STK4: variants seen among roughly 807,000 people sequenced by gnomAD.
The protein encoded by STK4 is serine/threonine-protein kinase 4.
In STK4, 30 loss-of-function variants were observed where a neutral mutation model predicts 64.9. The observed-to-expected ratio is 0.46, with a 90% CI of 0.35 to 0.63. The LOEUF (loss-of-function observed/expected upper bound fraction) is 0.63, where lower values mean the gene tolerates loss of function less well. Ranked by LOEUF, STK4 falls within the 20% of genes least tolerant of loss-of-function variation. The pLI is 0.01. For missense variants in STK4, 466 were observed against 598.5 expected (o/e 0.78, Z 2.31); for synonymous variants, 177 against 199.0 (o/e 0.89, Z 0.93).
intron 2 of STK4, 69 bp downstream of exon 2, chr20:44,972,227 G>T (rs2067260636): frequency 3.6e-6 from 5 of 1,378,584 alleles, no homozygotes; most frequent in Non-Finnish European, 5.1e-6. Flanking sequence ...AGAAGCAGAA[G>T]GATATGAACC....
intron 9 of STK4, chr20:45,007,840 A>T (rs1264763150): frequency 2.4e-6 from 1 of 411,484 alleles, no homozygotes; most frequent in Non-Finnish European, 4.8e-6. Flanking sequence ...ATACCCAGGT[A>T]ATGAGCATAG....
At chr20:44,968,766 G>A (rs1451510239) in intron 1 of STK4, among the ~76,000 whole-genome samples, 1 of 152,238 alleles carries the variant, frequency 6.6e-6, no homozygotes, top group Non-Finnish European at 1.5e-5. Flanking sequence ...CAAGAGAAGA[G>A]CATTGCAGGA....
chr20:44,969,032 T>C (rs1012284003), intron 1 of STK4, among the ~76,000 whole-genome samples: 1 of 151,934 alleles, frequency 6.6e-6, no homozygotes, highest in Non-Finnish European at 1.5e-5. Flanking sequence ...TGTGTCTCCA[T>C]GTTCTTCCTT....
rs957777579 is a variant in STK4, at chr20:45,061,668, TC to T, written c.1306-13349del. Reference sequence around the variant, plus strand: ...TTTTTACATAGGTAAACTGCATGTCTCTGAGGTTTGATGTAGATTATTTCAT... The same window carrying T: ...TTTTTACATAGGTAAACTGCATGTCTTGAGGTTTGATGTAGATTATTTCAT... On this transcript the variant is annotated intron_variant, in intron 10 of 10. Coordinates refer to ENST00000372806, the MANE Select transcript of STK4 (RefSeq NM_006282.5). Among the ~76,000 whole-genome samples, 24 of 151,642 alleles carry T rather than the reference TC, an allele frequency of 1.6e-4. 1 individual carries two copies. The highest frequency in any genetic ancestry group is 5.8e-4 in the African/African-American group (24 of 41,298).
At position 45,011,731 on chromosome 20, in the gene STK4, T is replaced by TATATATATATA. The variant is rs1428985946; in HGVS notation, c.1147+10378_1147+10379insATATATATATA. 8.4e-3 allele frequency among the ~76,000 whole-genome samples: 679 copies of TATATATATATA among 81,008 alleles called. 2 individuals carry two copies. The highest frequency in any genetic ancestry group is 0.016 in the Middle Eastern group (2 of 124). 53.1% of individuals were successfully genotyped at this position (81,008 alleles called of 152,430 possible). ...TACATATATATATATATATATATAT[T>TATATATATATA]TTTTTTTTTTTTTTTAAGTCAAGTT... On this transcript the variant is annotated intron_variant, in intron 9 of 10. Coordinates refer to ENST00000372806, the MANE Select transcript of STK4 (RefSeq NM_006282.5).
intron 10 of STK4, among the ~76,000 whole-genome samples, chr20:45,041,641 T>G (rs927769445): frequency 2.0e-5 from 3 of 152,140 alleles, no homozygotes; most frequent in Non-Finnish European, 4.4e-5. Flanking sequence ...GGTTCATGCT[T>G]TGTCAGTTTT....
chr20:44,982,355 G>A (rs1210675120), intron 4 of STK4, among the ~76,000 whole-genome samples: 1 of 150,484 alleles, frequency 6.6e-6, no homozygotes, highest in Non-Finnish European at 1.5e-5. Flanking sequence ...GGCTGGTTTC[G>A]AACTCCTGGC....
intron 9 of STK4, among the ~76,000 whole-genome samples, chr20:45,013,243 C>T (rs2068086208): frequency 6.6e-6 from 1 of 152,022 alleles, no homozygotes; most frequent in Admixed American, 6.5e-5. Flanking sequence ...TTGGTCGATA[C>T]CCCTTAACAG....
intron 10 of STK4, among the ~76,000 whole-genome samples, chr20:45,051,938 C>T (rs1453304728): frequency 6.6e-6 from 1 of 152,172 alleles, no homozygotes; most frequent in Non-Finnish European, 1.5e-5. Flanking sequence ...AGTCATACCT[C>T]TTTCATAGGG....
intron 9 of STK4, among the ~76,000 whole-genome samples, chr20:45,007,509 T>C (rs1281773782): frequency 6.6e-6 from 1 of 151,324 alleles, no homozygotes; most frequent in Non-Finnish European, 1.5e-5. Flanking sequence ...ATCGCGCCAC[T>C]GCACTCCAGC....
chr20:44,971,239 C>G (rs1285076504), intron 1 of STK4, among the ~76,000 whole-genome samples: 2 of 152,054 alleles, frequency 1.3e-5, no homozygotes, highest in Non-Finnish European at 2.9e-5. Context: ...CTAGCATAGT[C>G]AGAAATCTGA....
intron 10 of STK4, among the ~76,000 whole-genome samples, chr20:45,032,265 ATTC>A (rs2145401525): frequency 7.1e-6 from 1 of 140,084 alleles, no homozygotes; most frequent in African/African-American, 2.5e-5. Flanking sequence ...CAACTATTTT[ATTC>A]TTTTTTTTAC....
chr20:45,017,458 G>T (rs1202165221), intron 9 of STK4, among the ~76,000 whole-genome samples: 1 of 152,236 alleles, frequency 6.6e-6, no homozygotes, highest in East Asian at 1.9e-4. Flanking sequence ...ATGCAGGAAG[G>T]CTGGGGAAGG....
rs1165620047 is a variant in STK4 at position 45,069,309 on chromosome 20, T to G, written c.1306-5709T>G. On this transcript the variant is annotated intron_variant, in intron 10 of 10. Transcript: ENST00000372806. ...AGAAATCCTTATACTTGGTCTGATC[T>G]CTTCAGCAAAACCCACCTTCAGTAG... Among the ~76,000 whole-genome samples the G allele has an allele frequency of 2.6e-5, 4 of 152,242 alleles. No homozygotes were observed. In the East Asian group the frequency reaches 7.7e-4, roughly 29 times the overall value.
At chr20:45,041,591 A>T (rs1173621280) in intron 10 of STK4, among the ~76,000 whole-genome samples, 1 of 152,118 alleles carries the variant, frequency 6.6e-6, no homozygotes, top group Non-Finnish European at 1.5e-5. Flanking sequence ...CCTATTCATA[A>T]ATAGGGAATG....
At chr20:45,025,323 C>T (rs956228653) in intron 10 of STK4, among the ~76,000 whole-genome samples, 193 bp downstream of exon 10, 4 of 152,192 alleles carry the variant, frequency 2.6e-5, no homozygotes, top group South Asian at 4.1e-4. Flanking sequence ...GCATCTTTTT[C>T]GCTTTCGAAG....
chr20:45,062,988 C>CTTTTTT, intron 10 of STK4, among the ~76,000 whole-genome samples: 1 of 56,420 alleles, frequency 1.8e-5, no homozygotes, highest in East Asian at 3.6e-4. Flanking sequence ...CCGCACCCGG[C>CTTTTTT]CTTTTTTTTT....
chr20:44,997,410 G>T, intron 7 of STK4, 104 bp downstream of exon 7: 2 of 1,431,560 alleles, frequency 1.4e-6, no homozygotes, highest in Non-Finnish European at 1.9e-6. Flanking sequence ...GTATAAGGCA[G>T]GCTGGGTGCA....
chr20:45,010,579 T>C (rs1252051263), intron 9 of STK4, among the ~76,000 whole-genome samples: 2 of 152,224 alleles, frequency 1.3e-5, no homozygotes, highest in Non-Finnish European at 2.9e-5. Context: ...GTTGCAGAGA[T>C]TAAGTAACAT....
Sources: allele counts gnomAD v4.1 joint callset (sites outside exome capture counted in the v4.1 genomes callset), GRCh38; gene constraint gnomAD v4.1.1; transcripts MANE v1.5; gene names NCBI Gene and HGNC (gene_info 2026-07-23, HGNC 2026-07-21).